VPS13B: variants seen among roughly 807,000 people sequenced by gnomAD.
VPS13B encodes intermembrane lipid transfer protein VPS13B.
A neutral mutation model predicts 426.4 loss-of-function variants in VPS13B; 285 were observed. The observed-to-expected ratio is 0.67, with a 90% CI of 0.61 to 0.74. The LOEUF is 0.74. Ranked by LOEUF, VPS13B falls within the 30% of genes least tolerant of loss-of-function variation. VPS13B has a pLI of 0.00. For missense variants in VPS13B, 4,537 were observed against 4,782.6 expected (o/e 0.95, Z 1.51); for synonymous variants, 1,676 against 1,676.4 (o/e 1.00, Z 0.01).
chr8:99,744,915 A>G (rs914399110), intron 39 of VPS13B, among the ~76,000 whole-genome samples: 3 of 152,160 alleles, frequency 2.0e-5, no homozygotes, highest in Non-Finnish European at 2.9e-5. Flanking sequence ...GCACATGTAT[A>G]CATATGTAAC....
At chr8:99,218,489 T>C (rs1341333021) in intron 17 of VPS13B, among the ~76,000 whole-genome samples, 1 of 152,170 alleles carries the variant, frequency 6.6e-6, no homozygotes, top group Non-Finnish European at 1.5e-5. Flanking sequence ...TGTGTTTCAG[T>C]TGATTTATAA....
chr8:99,865,747 G>T (rs1363110902), intron 58 of VPS13B, among the ~76,000 whole-genome samples: 5 of 152,200 alleles, frequency 3.3e-5, no homozygotes, highest in Non-Finnish European at 7.3e-5. Flanking sequence ...TTTCTGGAAG[G>T]GCGAGCTGTG....
intron 19 of VPS13B, among the ~76,000 whole-genome samples, chr8:99,338,767 T>C (rs963088833): frequency 6.6e-6 from 1 of 152,188 alleles, no homozygotes; most frequent in African/African-American, 2.4e-5. Flanking sequence ...GACATTCTTA[T>C]AATTTTTATT....
intron 28 of VPS13B, among the ~76,000 whole-genome samples, chr8:99,508,224 T>TA (rs1821600952): frequency 6.6e-6 from 1 of 152,290 alleles, no homozygotes; most frequent in African/African-American, 2.4e-5. Context: ...TCATTCCTCT[T>TA]ACGATTCTTA....
At chr8:99,028,509 G>C (rs1169821486) in intron 2 of VPS13B, among the ~76,000 whole-genome samples, 1 of 60,132 alleles carries the variant, frequency 1.7e-5, no homozygotes, top group Non-Finnish European at 3.7e-5. Flanking sequence ...GCGGCTGGCC[G>C]GGCGGGGGGC....
chr8:99,804,949 A>G (rs982569360), intron 43 of VPS13B, among the ~76,000 whole-genome samples: 8 of 152,100 alleles, frequency 5.3e-5, no homozygotes. Flanking sequence ...GCAGTGAGCT[A>G]TGATGACACC....
Position 99,692,159 on chromosome 8 carries a change from C to T in VPS13B, c.6047-7366C>T, listed in dbSNP as rs967718643. 3.3e-3 allele frequency among the ~76,000 whole-genome samples: 486 copies of T among 145,360 alleles called. 3 individuals carry two copies. The highest frequency in any genetic ancestry group is 0.011 in the African/African-American group (439 of 38,612). ...CGAGACAGAAAGTCAACAAGGATAC[C>T]CAGGAATTGAACTCAGCTGTGCACC... On this transcript the variant is annotated intron_variant, in intron 35 of 61. Coordinates refer to ENST00000357162, the MANE Select transcript of VPS13B (RefSeq NM_152564.5).
chr8:99,096,165 G>T, intron 3 of VPS13B, 147 bp from the exon 4 acceptor site: 6 of 796,852 alleles, frequency 7.5e-6, no homozygotes, highest in Non-Finnish European at 1.9e-6. Context: ...TATGAAAATT[G>T]GTTATGTAGT....
chr8:99,793,062 G>A (rs907339165), intron 43 of VPS13B, among the ~76,000 whole-genome samples: 3 of 149,878 alleles, frequency 2.0e-5, no homozygotes, highest in African/African-American at 7.4e-5. Context: ...AAAAAAATTA[G>A]GCATGGTGGT....
At position 99,376,590 on chromosome 8, in the gene VPS13B, G is replaced by A. The variant is rs572130587; in HGVS notation, c.2825-7618G>A. Reference sequence around the variant, plus strand: ...AAAATATTTATTATATTTGTTTTCCGTTTTCTCTCTCTAAAATCTCAAATA... The same window carrying A: ...AAAATATTTATTATATTTGTTTTCCATTTTCTCTCTCTAAAATCTCAAATA... On this transcript the variant is annotated intron_variant, in intron 19 of 61. Coordinates refer to ENST00000357162, the MANE Select transcript of VPS13B (RefSeq NM_152564.5). Among the ~76,000 whole-genome samples the A allele has an allele frequency of 8.6e-5, 13 of 151,924 alleles. 1 individual carries two copies. The highest frequency in any genetic ancestry group is 1.2e-4 in the African/African-American group (5 of 41,422).
intron 17 of VPS13B, among the ~76,000 whole-genome samples, chr8:99,260,410 A>G (rs1817981742): frequency 6.6e-6 from 1 of 152,082 alleles, no homozygotes. Context: ...ATTGTGGTGA[A>G]ACTCTGGTGT....
intron 2 of VPS13B, among the ~76,000 whole-genome samples, chr8:99,033,273 G>T (rs1842602452): frequency 6.6e-6 from 1 of 152,102 alleles, no homozygotes; most frequent in Admixed American, 6.5e-5. Context: ...CATTATTGAA[G>T]GATAATTTTG....
At chr8:99,716,877 GA>G (rs1418708478) in intron 36 of VPS13B, among the ~76,000 whole-genome samples, 2 of 152,096 alleles carry the variant, frequency 1.3e-5, no homozygotes, top group East Asian at 3.9e-4. Flanking sequence ...GTAGTTGCTT[GA>G]AAAACTTGCA....
intron 3 of VPS13B, among the ~76,000 whole-genome samples, chr8:99,041,921 G>T (rs57899023): frequency 0.02 from 3,060 of 151,604 alleles, 115 homozygotes; most frequent in African/African-American, 0.07. Context: ...ACCTATTCTG[G>T]TTTTTGTACC....
chr8:99,529,985 T>C (rs938702301), intron 30 of VPS13B, among the ~76,000 whole-genome samples: 1 of 152,236 alleles, frequency 6.6e-6, no homozygotes, highest in Non-Finnish European at 1.5e-5. Flanking sequence ...ATGCTTATTA[T>C]GCGCCTTTCT....
intron 8 of VPS13B, among the ~76,000 whole-genome samples, chr8:99,133,071 C>G (rs763149883): frequency 6.6e-6 from 1 of 152,186 alleles, no homozygotes; most frequent in Non-Finnish European, 1.5e-5. Context: ...ACTGACTTTT[C>G]CTCTCTAGCT....
intron 17 of VPS13B, among the ~76,000 whole-genome samples, chr8:99,232,870 C>G (rs544775089): frequency 6.6e-6 from 1 of 152,304 alleles, no homozygotes; most frequent in South Asian, 2.1e-4. Context: ...CTTCCCCCGC[C>G]TCCTTGGCCC....
In VPS13B at chr8:99,861,847, G is replaced by A; in HGVS notation, c.11116G>A (p.Glu3706Lys). 1 of 1,601,142 alleles carries A rather than the reference G, an allele frequency of 6.2e-7. No individual in the cohort carries two copies. The highest frequency in any genetic ancestry group is 8.5e-7 in the Non-Finnish European group (1 of 1,174,404). Residue 3706 changes from glutamate to lysine, a missense_variant, in exon 58 of 62, where the codon GAG (glutamate) becomes AAG (lysine). Physicochemically the swap from Glu to Lys is moderately conservative, Grantham distance 56. Coordinates refer to ENST00000357162, the MANE Select transcript of VPS13B (RefSeq NM_152564.5). ...CATGGACCGGCTCTCACTGGATGAG[G>A]AGCACTACAACCGGCAGGAGGAGTG... ...RNMDRLSLDE[E>K]HYNRQEEWRR... is the part of the protein sequence containing the mutation.
At chr8:99,770,676 G>A (rs570265372) in intron 40 of VPS13B, among the ~76,000 whole-genome samples, 19 of 152,292 alleles carry the variant, frequency 1.2e-4, no homozygotes, top group African/African-American at 4.1e-4. Context: ...AAGGAACCGG[G>A]AAAATACATA....
Sources: gnomAD v4.1 joint callset for allele counts (sites outside exome capture counted in the v4.1 genomes callset) on GRCh38, gnomAD v4.1.1 for gene constraint, MANE v1.5 for transcripts, NCBI Gene and HGNC (gene_info 2026-07-23, HGNC 2026-07-21) for gene names.